The following HCRTR2 variants were observed in gnomAD, a reference collection of about 807,000 sequenced individuals.
The protein encoded by HCRTR2 is orexin receptor type 2.
A neutral mutation model predicts 49.0 loss-of-function variants in HCRTR2; 22 were observed. The observed-to-expected ratio is 0.45, with a 90% CI of 0.32 to 0.64. HCRTR2 has a LOEUF of 0.64. Ranked by LOEUF, HCRTR2 falls within the 30% of genes least tolerant of loss-of-function variation. The probability of loss-of-function intolerance (pLI) is 0.04; values close to 1 mark genes in which losing one functional copy is unlikely to be tolerated. For synonymous variants in HCRTR2, 236 were observed against 205.3 expected, an observed-to-expected ratio of 1.15 and a Z score of -1.28; for missense variants, 491 against 559.4, an observed-to-expected ratio of 0.88 and a Z score of 1.23.
intron 2 of HCRTR2, among the ~76,000 whole-genome samples, chr6:55,254,186 A>C (rs1379838044): frequency 6.6e-6 from 1 of 152,184 alleles, no homozygotes; most frequent in Non-Finnish European, 1.5e-5. Flanking sequence ...CAAATTAAGC[A>C]AATAATTTAC....
intron 6 of HCRTR2, among the ~76,000 whole-genome samples, chr6:55,280,869 T>G (rs1767177088): frequency 6.6e-6 from 1 of 152,214 alleles, no homozygotes; most frequent in Admixed American, 6.5e-5. Context: ...TACGTTTCTC[T>G]TGTGAGTATC....
intron 1 of HCRTR2, among the ~76,000 whole-genome samples, chr6:55,160,375 C>CA (rs1764788943): frequency 6.6e-6 from 1 of 152,136 alleles, no homozygotes; most frequent in Non-Finnish European, 1.5e-5. Context: ...TCAGCCACTG[C>CA]AAAAACATAT....
At position 55,199,099 on chromosome 6, in the gene HCRTR2, G is replaced by T. The variant is rs565414127; in HGVS notation, c.223+24289G>T. The stretch of plus-strand genomic sequence containing the variant: ...TGAAGAGTGGGAGAGTTGGTTAAGG[G>T]GGTTCTCTGAAAGGAGAATTAGGTT... On this transcript the variant is annotated intron_variant, in intron 1 of 6. Coordinates refer to ENST00000370862, the MANE Select transcript of HCRTR2 (RefSeq NM_001384272.1). 1.7e-3 allele frequency among the ~76,000 whole-genome samples: 256 copies of T among 152,236 alleles called. 1 individual carries two copies. The highest frequency in any genetic ancestry group is 5.9e-3 in the African/African-American group (244 of 41,542).
chr6:55,260,549 G>A (rs531086493), intron 3 of HCRTR2, among the ~76,000 whole-genome samples: 6 of 152,300 alleles, frequency 3.9e-5, no homozygotes, highest in Admixed American at 3.9e-4. Flanking sequence ...GGGCCAGAGA[G>A]TAGCTAAAAA....
intron 2 of HCRTR2, among the ~76,000 whole-genome samples, chr6:55,250,408 C>T (rs970616177): frequency 6.6e-6 from 1 of 152,010 alleles, no homozygotes; most frequent in African/African-American, 2.4e-5. Flanking sequence ...TTCCAGAAAG[C>T]CTTTTACCTC....
At chr6:55,239,749 T>C (rs1004105497) in intron 1 of HCRTR2, among the ~76,000 whole-genome samples, 1 of 151,868 alleles carries the variant, frequency 6.6e-6, no homozygotes, top group Non-Finnish European at 1.5e-5. Context: ...TAAGATACAT[T>C]GCTGTTTGTG....
chr6:55,284,293 A>T (rs1767244959), downstream of HCRTR2, among the ~76,000 whole-genome samples: 1 of 152,142 alleles, frequency 6.6e-6, no homozygotes, highest in Non-Finnish European at 1.5e-5. Context: ...GACGTATGGG[A>T]AGTCAGAATT....
intron 1 of HCRTR2, among the ~76,000 whole-genome samples, chr6:55,139,320 A>G (rs1008179574): frequency 6.6e-6 from 1 of 152,198 alleles, no homozygotes; most frequent in African/African-American, 2.4e-5. Flanking sequence ...AGCCTAAAGA[A>G]TAGACTAAAA....
At chr6:55,175,498 C>T (rs1170997336) in intron 1 of HCRTR2, among the ~76,000 whole-genome samples, 2 of 152,056 alleles carry the variant, frequency 1.3e-5, no homozygotes, top group East Asian at 3.9e-4. Flanking sequence ...ATTCTTACAT[C>T]CATTCAGCCA....
rs775309537 is a variant in HCRTR2 at position 55,174,824 on chromosome 6, C to T, written c.223+14C>T. 4 of 1,610,042 alleles carry T rather than the reference C, an allele frequency of 2.5e-6. No individual in the cohort carries two copies. ...GGAACGTCCTGGGTGAGTCTCCTCCCGGGCAGCCCTCCTAGGGGCTATCAC... is the reference window on the plus strand; with the variant it reads ...GGAACGTCCTGGGTGAGTCTCCTCCTGGGCAGCCCTCCTAGGGGCTATCAC... On this transcript the variant is annotated intron_variant, in intron 1 of 6. Coordinates refer to ENST00000370862, the MANE Select transcript of HCRTR2 (RefSeq NM_001384272.1).
chr6:55,225,720 T>A (rs1024292494), intron 1 of HCRTR2, among the ~76,000 whole-genome samples: 1 of 152,218 alleles, frequency 6.6e-6, no homozygotes, highest in Non-Finnish European at 1.5e-5. Context: ...TTATAACTAA[T>A]AGTCAATGTA....
chr6:55,261,639 T>C (rs1766757965), intron 3 of HCRTR2, among the ~76,000 whole-genome samples: 1 of 152,070 alleles, frequency 6.6e-6, no homozygotes, highest in Non-Finnish European at 1.5e-5. Flanking sequence ...GACATTGGAA[T>C]GAATGTGGTG....
At chr6:55,255,550 C>A (rs943862690) in intron 3 of HCRTR2, among the ~76,000 whole-genome samples, 171 bp downstream of exon 3, 2 of 152,194 alleles carry the variant, frequency 1.3e-5, no homozygotes, top group Non-Finnish European at 2.9e-5. Context: ...CACAGAATAA[C>A]TCTACCTATC....
chr6:55,277,656 T>C, intron 5 of HCRTR2, 56 bp downstream of exon 5: 2 of 1,249,762 alleles, frequency 1.6e-6, no homozygotes, highest in South Asian at 1.3e-5. Context: ...TGATTCTTAA[T>C]TAACTTTTTT....
intron 1 of HCRTR2, among the ~76,000 whole-genome samples, chr6:55,183,295 G>T (rs1765164076): frequency 6.6e-6 from 1 of 152,156 alleles, no homozygotes. Flanking sequence ...TTTAATAGAT[G>T]AATTCAAGTT....
intron 2 of HCRTR2, 110 bp downstream of exon 2, chr6:55,248,927 T>C: frequency 1.1e-6 from 1 of 902,156 alleles, no homozygotes; most frequent in Non-Finnish European, 1.8e-6. Context: ...GCCTAAGGCA[T>C]TGACAAACTG....
At chr6:55,273,929 C>T (rs1253127992) in intron 4 of HCRTR2, among the ~76,000 whole-genome samples, 1 of 151,834 alleles carries the variant, frequency 6.6e-6, no homozygotes, top group African/African-American at 2.4e-5. Context: ...ACTCAATGTA[C>T]CTTTATTATA....
chr6:55,151,975 A>T (rs1006576155), intron 1 of HCRTR2, among the ~76,000 whole-genome samples: 1 of 151,904 alleles, frequency 6.6e-6, no homozygotes, highest in Non-Finnish European at 1.5e-5. Flanking sequence ...TCTAAACAGT[A>T]AGTCTCAAAA....
upstream of HCRTR2, among the ~76,000 whole-genome samples, chr6:55,172,215 A>G (rs972655598): frequency 3.3e-5 from 5 of 152,212 alleles, no homozygotes; most frequent in East Asian, 5.8e-4. Flanking sequence ...ATATATGCAC[A>G]TATCAATTGG....
Sources: gnomAD v4.1 joint callset for allele counts (sites outside exome capture counted in the v4.1 genomes callset) on GRCh38, gnomAD v4.1.1 for gene constraint, MANE v1.5 for transcripts, NCBI Gene and HGNC (gene_info 2026-07-23, HGNC 2026-07-21) for gene names.